Variants in TPRN observed in about 807,000 individuals in gnomAD.
TPRN encodes chromosome 9 open reading frame 75.
TPRN carries 32 observed loss-of-function variants against 42.6 expected under a neutral mutation model. That is an observed-to-expected ratio of 0.75 (90% CI 0.57 to 1.01). The LOEUF is 1.01. Among genes scored for constraint, TPRN ranks in the 50% least tolerant of loss-of-function variants. The probability of loss-of-function intolerance (pLI) is 0.00; values close to 1 mark genes in which losing one functional copy is unlikely to be tolerated. For missense variants in TPRN, 1,095 were observed against 957.5 expected (o/e 1.14, Z -1.90); for synonymous variants, 541 against 445.6 (o/e 1.21, Z -2.70).
rs1834745917 is a variant in TPRN at position 137,198,949 on chromosome 9, T to C, written c.1725+38A>G. 1.9e-6 allele frequency: 3 copies of C among 1,611,448 alleles called. No individual in the cohort carries two copies. The East Asian group carries it at 6.7e-5, about 36-fold the overall frequency. ...CCCACAGTTCTGTGAGCTGTCACTC[T>C]CTCCCTGCCAGCCAGTGGCCCTGCC... is the stretch of plus-strand genomic sequence containing the variant. On this transcript the variant is annotated intron_variant, in intron 1 of 3. Coordinates refer to ENST00000409012, the MANE Select transcript of TPRN (RefSeq NM_001128228.3).
At position 137,199,072 on chromosome 9, in the gene TPRN, G is replaced by T. The variant is rs953772820; in HGVS notation, c.1640C>A (p.Pro547His). The change falls in exon 1 of 4, where the codon CCC becomes CAC. Residue 547 changes from proline to histidine, a missense_variant. Transcript: ENST00000409012. ...AATCACCTCGATCTCATGCACGGTGGGGTAGCGCTTCTTCAACGTGGGCCC... is the reference window on the plus strand; with the variant it reads ...AATCACCTCGATCTCATGCACGGTGTGGTAGCGCTTCTTCAACGTGGGCCC... ...LLGPTLKKRYPTVHEIEVIGG... is the reference protein window; with the variant it reads ...LLGPTLKKRYHTVHEIEVIGG... The T allele has an allele frequency of 6.2e-7, 1 of 1,613,302 alleles. No individual in the cohort carries two copies. The highest frequency in any genetic ancestry group is 8.5e-7 in the Non-Finnish European group (1 of 1,180,000).
rs1368568655 is a variant in TPRN, at chr9:137,192,087, A to G, written c.*25T>C. ...TTCCGGGACTCCCACAGCTGGGCTCAGCCTTGGTCCTGGCAGTGCTGGGCT... is the reference window on the plus strand; with the variant it reads ...TTCCGGGACTCCCACAGCTGGGCTCGGCCTTGGTCCTGGCAGTGCTGGGCT... On this transcript the variant is annotated 3_prime_UTR_variant, in exon 4 of 4. Transcript: ENST00000409012. 8 of 1,610,596 alleles carry G rather than the reference A, an allele frequency of 5.0e-6. No individual in the cohort carries two copies. Among genetic ancestry groups the G allele is most frequent in the Non-Finnish European group, 5.9e-6 (7 of 1,179,966 alleles).
chr9:137,197,371 G>A (rs867915101), intron 1 of TPRN, among the ~76,000 whole-genome samples: 1 of 152,082 alleles, frequency 6.6e-6, no homozygotes, highest in East Asian at 1.9e-4. Flanking sequence ...AAAGTGCTGG[G>A]ATTACAAGGT....
Position 137,200,048 on chromosome 9 carries a change from A to C in TPRN, c.664T>G (p.Ser222Ala). The part of the protein sequence containing the change: ...LHRGAGARLL[S>A]NGHSAPEPRA... Reference sequence around the variant, plus strand: ...GGCTCAGGGGCCGAGTGCCCGTTGGAGAGCAGGCGGGCGCCCGCGCCGCGG... The same window carrying C: ...GGCTCAGGGGCCGAGTGCCCGTTGGCGAGCAGGCGGGCGCCCGCGCCGCGG... Residue 222 changes from serine to alanine, a missense_variant, in exon 1 of 4, where the codon TCC (serine) becomes GCC (alanine). By Grantham distance (99) the Ser-to-Ala change is moderately conservative. Transcript: ENST00000409012. The surrounding 1 kb of genome is among the most constrained non-coding windows in gnomAD (Gnocchi z 4.3). 2.8e-6 allele frequency: 4 copies of C among 1,435,112 alleles called. No individual in the cohort carries two copies. The highest frequency in any genetic ancestry group is 3.6e-6 in the Non-Finnish European group (4 of 1,101,170). The allele number at this position is 1,435,112 out of a possible 1,614,324, so 88.9% of individuals were successfully genotyped here.
Position 137,200,663 on chromosome 9 carries a change from C to G in TPRN, c.49G>C (p.Ala17Pro). Residue 17 changes from alanine (A) to proline (P), a missense_variant, in exon 1 of 4, where the codon GCT becomes CCT. Transcript: ENST00000409012. The surrounding 1 kb of genome is among the most constrained non-coding windows in gnomAD (Gnocchi z 4.3). ...CGCTCCAGGATCTCACGCTTCCAAG[C>G]GGGCACCGCAGCGCGCGGCCCCGAG... ...PGSGPRAAVP[A>P]WKREILERKR... 1 of 1,236,544 alleles carries G rather than the reference C, an allele frequency of 8.1e-7. No individual in the cohort carries two copies. The highest frequency in any genetic ancestry group is 2.1e-5 in the South Asian group (1 of 48,326). The allele number at this position is 1,236,544 out of a possible 1,614,324, so 76.6% of individuals were successfully genotyped here.
chr9:137,192,883 T>G, intron 1 of TPRN, 192 bp from the exon 2 acceptor site: 2 of 624,910 alleles, frequency 3.2e-6, no homozygotes, highest in Non-Finnish European at 2.8e-6. Context: ...CCCTCCACCC[T>G]GGGGGTCAAC....
chr9:137,195,177 C>G (rs1422139306), intron 1 of TPRN: 2 of 152,954 alleles, frequency 1.3e-5, no homozygotes, highest in African/African-American at 4.8e-5. Context: ...CCCCACGCAG[C>G]CCCAGCCAAG....
At position 137,199,043 on chromosome 9, in the gene TPRN, C is replaced by T. The variant is rs144769563; in HGVS notation, c.1669G>A (p.Gly557Ser). The stretch of plus-strand genomic sequence containing the variant: ...CAGGACTTCTGCAGGGCCAGGTAGC[C>T]GCCAATCACCTCGATCTCATGCACG... ...PTVHEIEVIG[G>S]YLALQKSCLT... is the part of the protein sequence containing the mutation. Residue 557 changes from glycine (G) to serine (S), a missense_variant, in exon 1 of 4, where the codon GGC becomes AGC. Physicochemically the swap from Gly to Ser is moderately conservative, Grantham distance 56. Transcript: ENST00000409012. The T allele has an allele frequency of 5.7e-4, 918 of 1,613,258 alleles. No homozygotes were observed. Among genetic ancestry groups the T allele is most frequent in the Non-Finnish European group, 7.4e-4 (875 of 1,180,006 alleles).
rs745997859 is a variant in TPRN, at chr9:137,199,942, G to A, written c.770C>T (p.Pro257Leu). ...GGGGCTGGGGGGCGGGTGGAGGGAG[G>A]GATCCCCCGACTCCACCTTTGGCTT... is the stretch of plus-strand genomic sequence containing the variant. The part of the protein sequence containing the change: ...QWKPKVESGD[P>L]SLHPPPSPGT... Residue 257 changes from proline to leucine, a missense_variant, in exon 1 of 4, where the codon CCC (proline) becomes CTC (leucine). By Grantham distance (98) the Pro-to-Leu change is moderately conservative (BLOSUM62 -3). Transcript: ENST00000409012. The A allele has an allele frequency of 7.8e-5, 116 of 1,487,398 alleles. No homozygotes were observed. The highest frequency in any genetic ancestry group is 4.0e-4 in the Middle Eastern group (2 of 4,996). 92.1% of individuals were successfully genotyped at this position (1,487,398 alleles called of 1,614,324 possible).
chr9:137,200,588 C>T lies in TPRN; in HGVS notation c.124G>A (p.Ala42Thr), dbSNP rs2131355572. The T allele has an allele frequency of 8.7e-7, 1 of 1,152,328 alleles. No individual in the cohort carries two copies. The highest frequency in any genetic ancestry group is 1.1e-6 in the Non-Finnish European group (1 of 940,806). The allele number at this position is 1,152,328 out of a possible 1,614,324, so 71.4% of individuals were successfully genotyped here. ...ALGGGAGPGA[A>T]EPEQRVLAES... ...GCCAGCACCCGCTGCTCGGGCTCCGCCGCCCCGGGCCCCGCGCCCCCGCCC... is the reference window on the plus strand; with the variant it reads ...GCCAGCACCCGCTGCTCGGGCTCCGTCGCCCCGGGCCCCGCGCCCCCGCCC... Residue 42 changes from alanine (A) to threonine (T), a missense_variant, in exon 1 of 4, where the codon GCG becomes ACG. Ala to Thr is a moderately conservative substitution (Grantham distance 58). Coordinates refer to ENST00000409012, the MANE Select transcript of TPRN (RefSeq NM_001128228.3). The surrounding 1 kb of genome is among the most constrained non-coding windows in gnomAD (Gnocchi z 4.3).
rs1477025267 is a variant in TPRN, at chr9:137,191,837, C to T, written c.*275G>A. ...GAATCTGCACAGCCCCCTGCCGGGTCGCAGATGGCCACCACCCAGCAGGCC... is the reference window on the plus strand; with the variant it reads ...GAATCTGCACAGCCCCCTGCCGGGTTGCAGATGGCCACCACCCAGCAGGCC... On this transcript the variant is annotated 3_prime_UTR_variant, in exon 4 of 4. Coordinates refer to ENST00000409012, the MANE Select transcript of TPRN (RefSeq NM_001128228.3). 8 of 537,916 alleles carry T rather than the reference C, an allele frequency of 1.5e-5. No homozygotes were observed. The highest frequency in any genetic ancestry group is 6.1e-5 in the Admixed American group (2 of 32,618). 33.3% of individuals were successfully genotyped at this position (537,916 alleles called of 1,614,324 possible). A position where few individuals can be genotyped will look rare whatever the true frequency, so the allele number is the denominator to read the frequency against.
At chr9:137,194,813 G>A (rs1834682634) in intron 1 of TPRN, 1 of 152,302 alleles carries the variant, frequency 6.6e-6, no homozygotes, top group African/African-American at 2.4e-5. Context: ...GACTCATACG[G>A]TGGGCAGCCT....
chr9:137,195,279 GT>G (rs1834689400), intron 1 of TPRN: 1 of 152,446 alleles, frequency 6.6e-6, no homozygotes, highest in Admixed American at 6.5e-5. Context: ...TGAGTCAAGT[GT>G]GGCCCCAGCG....
chr9:137,198,625 G>A (rs1834741393), intron 1 of TPRN, among the ~76,000 whole-genome samples: 1 of 152,272 alleles, frequency 6.6e-6, no homozygotes, highest in Non-Finnish European at 1.5e-5. Context: ...GCCAAGCCCA[G>A]GGAGGAACCC....
Position 137,192,545 on chromosome 9 carries a change from G to A in TPRN, c.1872C>T (p.Gly624=). The A allele has an allele frequency of 2.5e-6, 4 of 1,609,254 alleles. No individual in the cohort carries two copies. Among genetic ancestry groups the A allele is most frequent in the Non-Finnish European group, 3.4e-6 (4 of 1,177,932 alleles). Residue 624 remains glycine (G), a synonymous_variant, in exon 2 of 4, where the codon GGC becomes GGT. Transcript: ENST00000409012. ...AGAGTGCAAAGGGCTTCTCCTCTGA[G>A]CCGGATCCCTCTTCCTCCTCTTCCT... The part of the protein sequence containing the change: ...EEEEEEEEGS[G]SEEKPFALFL...
rs373827566 is a variant in TPRN at position 137,198,982 on chromosome 9, C to T, written c.1725+5G>A. 1.1e-4 allele frequency: 184 copies of T among 1,612,746 alleles called. No homozygotes were observed. Among genetic ancestry groups the T allele is most frequent in the Non-Finnish European group, 1.5e-4 (181 of 1,179,960 alleles). On this transcript the variant is annotated splice_donor_5th_base_variant and intron_variant, in intron 1 of 3. Coordinates refer to ENST00000409012, the MANE Select transcript of TPRN (RefSeq NM_001128228.3). Reference sequence around the variant, plus strand: ...CCAGCCAGTGGCCCTGCCCCCACCACTGACCTTCTTTCTTGAGGAGCCAGC... The same window carrying T: ...CCAGCCAGTGGCCCTGCCCCCACCATTGACCTTCTTTCTTGAGGAGCCAGC...
Position 137,200,613 on chromosome 9 carries a change from C to A in TPRN, c.99G>T (p.Leu33=). The A allele has an allele frequency of 8.6e-7, 1 of 1,165,176 alleles. No homozygotes were observed. Among genetic ancestry groups the A allele is most frequent in the Non-Finnish European group, 1.1e-6 (1 of 947,872 alleles). 72.2% of individuals were successfully genotyped at this position (1,165,176 alleles called of 1,614,324 possible). ...LERKRAKLAA[L]GGGAGPGAAE... The stretch of plus-strand genomic sequence containing the variant: ...CCGCCCCGGGCCCCGCGCCCCCGCC[C>A]AGCGCGGCTAGCTTGGCCCGCTTCC... Residue 33 remains leucine (L), a synonymous_variant, in exon 1 of 4, where the codon CTG becomes CTT. Transcript: ENST00000409012. This position sits in a 1 kb window ranked among gnomAD's most constrained non-coding sequence, Gnocchi z 4.3.
chr9:137,192,478 T>C lies in TPRN; in HGVS notation c.1939A>G (p.Ser647Gly). Residue 647 changes from serine to glycine, a missense_variant, in exon 2 of 4, where the codon AGC (serine) becomes GGC (glycine). Transcript: ENST00000409012. ...GAGCTACCCTCTGGCAGCCGAGAGC[T>C]CTCGGGTCTCACGCTGCTCACAAAC... ...ATFVSSVRPESSRLPEGSSGL... is the reference protein window; with the variant it reads ...ATFVSSVRPEGSRLPEGSSGL... 1 of 1,605,948 alleles carries C rather than the reference T, an allele frequency of 6.2e-7. No homozygotes were observed. The highest frequency in any genetic ancestry group is 8.5e-7 in the Non-Finnish European group (1 of 1,176,708).
In TPRN at chr9:137,200,485, CCCGCCGCGCCCCCGCCGCG is replaced by C; in HGVS notation, c.208_226del (p.Arg70GlyfsTer374). Reference sequence around the variant, plus strand: ...GCGGTACCGCTCCAGCAGCCGCGCCCCCGCCGCGCCCCCGCCGCGCCGCCGCTCGGCCTCCAGCAGCATG... The same window carrying C: ...GCGGTACCGCTCCAGCAGCCGCGCCCCCGCCGCTCGGCCTCCAGCAGCATG... On this transcript the variant is annotated frameshift_variant, in exon 1 of 4. Coordinates refer to ENST00000409012, the MANE Select transcript of TPRN (RefSeq NM_001128228.3). LOFTEE classifies it high-confidence loss of function. The surrounding 1 kb of genome is among the most constrained non-coding windows in gnomAD (Gnocchi z 4.3). 8.9e-7 allele frequency: 1 copy of C among 1,128,800 alleles called. No individual in the cohort carries two copies. The highest frequency in any genetic ancestry group is 1.1e-6 in the Non-Finnish European group (1 of 922,342). The allele number at this position is 1,128,800 out of a possible 1,614,324, so 69.9% of individuals were successfully genotyped here. A position where few individuals can be genotyped will look rare whatever the true frequency, so the allele number is the denominator to read the frequency against.
Sources: gnomAD v4.1 joint callset for allele counts (sites outside exome capture counted in the v4.1 genomes callset) on GRCh38, gnomAD v4.1.1 for gene constraint, Gnocchi (gnomAD v3.1) non-coding constraint, MANE v1.5 for transcripts, NCBI Gene and HGNC (gene_info 2026-07-23, HGNC 2026-07-21) for gene names.